ZBTB20: variants seen among roughly 807,000 people sequenced by gnomAD.
ZBTB20 encodes the protein zinc finger and BTB domain-containing protein 20.
In ZBTB20, 9 loss-of-function variants were observed where a neutral mutation model predicts 56.9. The ratio of observed to expected loss-of-function variants is 0.16; its 90% confidence interval spans 0.10 to 0.28. The LOEUF is 0.28. Among genes scored for constraint, ZBTB20 ranks in the 10% least tolerant of loss-of-function variants. ZBTB20 has a pLI of 1.00. For missense variants in ZBTB20, 655 were observed against 1,003.0 expected (o/e 0.65, Z 4.69); for synonymous variants, 417 against 420.7 (o/e 0.99, Z 0.11).
chr3:114,346,897 G>A (rs1190741961), intron 11 of ZBTB20, among the ~76,000 whole-genome samples: 1 of 151,586 alleles, frequency 6.6e-6, no homozygotes, highest in East Asian at 1.9e-4. Flanking sequence ...AGTTGTCCAG[G>A]CTGGTCTCAA....
At chr3:114,688,176 G>A (rs1231456890) in intron 6 of ZBTB20, 1 of 152,080 alleles carries the variant, frequency 6.6e-6, no homozygotes, top group Non-Finnish European at 1.5e-5. Context: ...GTTGCAGTGA[G>A]CCAAGATTGC....
intron 6 of ZBTB20, among the ~76,000 whole-genome samples, chr3:114,543,623 C>T (rs1388148877): frequency 6.6e-6 from 1 of 152,190 alleles, no homozygotes; most frequent in East Asian, 1.9e-4. Context: ...AGAAAACTGG[C>T]TGTTTCCAGC....
chr3:115,120,053 A>G (rs2084138856), intron 1 of ZBTB20, among the ~76,000 whole-genome samples: 1 of 152,120 alleles, frequency 6.6e-6, no homozygotes, highest in Non-Finnish European at 1.5e-5. Context: ...TGGTGGACAG[A>G]TAATTTTTAA....
intron 3 of ZBTB20, among the ~76,000 whole-genome samples, chr3:114,907,313 T>C (rs2075357763): frequency 6.6e-6 from 1 of 151,874 alleles, no homozygotes; most frequent in Non-Finnish European, 1.5e-5. Context: ...GGAAATTCTA[T>C]TTTCATACTT....
At chr3:114,507,391 C>T (rs1335523339) in intron 6 of ZBTB20, among the ~76,000 whole-genome samples, 1 of 151,986 alleles carries the variant, frequency 6.6e-6, no homozygotes, top group African/African-American at 2.4e-5. Context: ...GAAACAAAAG[C>T]AAATGTTTGA....
chr3:114,792,884 T>C (rs1022141622), intron 5 of ZBTB20, among the ~76,000 whole-genome samples: 8 of 150,126 alleles, frequency 5.3e-5, no homozygotes, highest in East Asian at 3.9e-4. Flanking sequence ...TTCTTTTTTT[T>C]TTTTTTTTTG....
At chr3:114,475,731 C>A (rs1343190267) in intron 7 of ZBTB20, among the ~76,000 whole-genome samples, 1 of 152,036 alleles carries the variant, frequency 6.6e-6, no homozygotes, top group Non-Finnish European at 1.5e-5. Context: ...GAATAAGGAC[C>A]AAATGGTTAA....
At chr3:114,968,867 T>C (rs937220483) in intron 3 of ZBTB20, among the ~76,000 whole-genome samples, 5 of 152,120 alleles carry the variant, frequency 3.3e-5, no homozygotes, top group Non-Finnish European at 5.9e-5. Context: ...TGGATGCAAA[T>C]ATTACCACAC....
chr3:114,723,383 C>T (rs920422595), intron 5 of ZBTB20, among the ~76,000 whole-genome samples: 3 of 152,170 alleles, frequency 2.0e-5, no homozygotes, highest in African/African-American at 4.8e-5. Flanking sequence ...ATGGCCCAAG[C>T]GACAGCTTTT....
chr3:114,449,490 A>G (rs2091468018), intron 7 of ZBTB20, among the ~76,000 whole-genome samples: 1 of 152,166 alleles, frequency 6.6e-6, no homozygotes. Context: ...GAGTTAAAGC[A>G]TTCTGAAAAA....
intron 5 of ZBTB20, among the ~76,000 whole-genome samples, chr3:114,703,891 TCA>T (rs2063549277): frequency 6.6e-6 from 1 of 152,178 alleles, no homozygotes; most frequent in African/African-American, 2.4e-5. Context: ...GAGTTGCAAA[TCA>T]CAGCCTGTGG....
chr3:114,397,575 CT>C (rs11354826), intron 7 of ZBTB20, among the ~76,000 whole-genome samples: 63,637 of 145,420 alleles, frequency 0.44, 13,759 homozygotes, highest in South Asian at 0.54. Context: ...CACCACATAC[CT>C]TTTTTTTTTT....
chr3:114,928,895 A>G (rs1299434745), intron 3 of ZBTB20, among the ~76,000 whole-genome samples: 1 of 152,242 alleles, frequency 6.6e-6, no homozygotes, highest in Non-Finnish European at 1.5e-5. Context: ...AAACAATACA[A>G]TGCTCTTTCC....
At chr3:114,421,959 T>C (rs2089218336) in intron 7 of ZBTB20, among the ~76,000 whole-genome samples, 1 of 152,016 alleles carries the variant, frequency 6.6e-6, no homozygotes, top group Non-Finnish European at 1.5e-5. Flanking sequence ...CAATCTCCCA[T>C]GGAATGGCCC....
intron 7 of ZBTB20, among the ~76,000 whole-genome samples, chr3:114,424,264 T>C (rs938478712): frequency 6.6e-6 from 1 of 152,176 alleles, no homozygotes; most frequent in Non-Finnish European, 1.5e-5. Context: ...ATACAAAGCA[T>C]GGTGAATTTC....
intron 5 of ZBTB20, among the ~76,000 whole-genome samples, chr3:114,763,240 T>C (rs545442162): frequency 1.3e-5 from 2 of 152,290 alleles, no homozygotes; most frequent in East Asian, 3.9e-4. Context: ...CTTTAAGGCA[T>C]TGCTTTCTCA....
At chr3:114,606,554 T>C (rs1158622716) in intron 6 of ZBTB20, among the ~76,000 whole-genome samples, 2 of 152,132 alleles carry the variant, frequency 1.3e-5, no homozygotes, top group Non-Finnish European at 2.9e-5. Flanking sequence ...AAGGAAACCA[T>C]GGGCTTCCCT....
At chr3:114,675,087 A>G (rs1273977713) in intron 6 of ZBTB20, among the ~76,000 whole-genome samples, 1 of 148,318 alleles carries the variant, frequency 6.7e-6, no homozygotes, top group African/African-American at 2.5e-5. Flanking sequence ...TATATTATAT[A>G]TATACACAAT....
chr3:115,010,440 G>A (rs2079651826), intron 2 of ZBTB20, among the ~76,000 whole-genome samples: 1 of 151,924 alleles, frequency 6.6e-6, no homozygotes, highest in African/African-American at 2.4e-5. Context: ...GCATAGCTTA[G>A]AGCAGAGAAA....
Sources: allele counts gnomAD v4.1 joint callset (sites outside exome capture counted in the v4.1 genomes callset), GRCh38; gene constraint gnomAD v4.1.1; transcripts MANE v1.5; gene names NCBI Gene and HGNC (gene_info 2026-07-23, HGNC 2026-07-21).